The following KMT2C variants were observed in gnomAD, a reference collection of about 807,000 sequenced individuals.
KMT2C encodes the protein lysine methyltransferase 2C, also known as histone-lysine N-methyltransferase 2C.
In KMT2C, 88 loss-of-function variants were observed where a neutral mutation model predicts 507.9. That is an observed-to-expected ratio of 0.17 (90% confidence interval 0.15 to 0.21). The LOEUF is 0.21. Among genes scored for constraint, KMT2C ranks in the 10% least tolerant of loss-of-function variants. The pLI is 1.00. For synonymous variants in KMT2C, 2,049 were observed against 2,080.8 expected (o/e 0.98, Z 0.42); for missense variants, 4,954 against 5,957.8 (o/e 0.83, Z 5.55).
chr7:152,215,688 T>TATATATATATATATATATATATATATAC lies in KMT2C; in HGVS notation c.3712+4834_3712+4835insGTATATATATATATATATATATATATAT, dbSNP rs766518165. ...ACAAAAGGAACAAAATATATATATA[T>TATATATATATATATATATATATATATAC]ACACACACACATACACACACAAAAT... is the stretch of plus-strand genomic sequence containing the variant. On this transcript the variant is annotated intron_variant, in intron 23 of 58. Transcript: ENST00000262189. Among the ~76,000 whole-genome samples, 6 of 134,486 alleles carry TATATATATATATATATATATATATATAC rather than the reference T, an allele frequency of 4.5e-5. 1 individual carries two copies. The highest frequency in any genetic ancestry group is 2.0e-4 in the African/African-American group (6 of 29,660). The allele number at this position is 134,486 out of a possible 152,430, so 88.2% of individuals were successfully genotyped here.
intron 6 of KMT2C, among the ~76,000 whole-genome samples, chr7:152,292,789 C>G (rs1299371421): frequency 6.6e-6 from 1 of 152,124 alleles, no homozygotes; most frequent in Non-Finnish European, 1.5e-5. Context: ...CCAGAAGCTT[C>G]TCAGCTTTTC....
At position 152,135,886 on chromosome 7, in the gene KMT2C, A is replaced by C. The variant is rs1232261018; in HGVS notation, c.*946T>G. ...TACTAATAGACTGCGGTTTCCAAAA[A>C]ACCCCCAACACTCTAGGTTGAAATT... On this transcript the variant is annotated 3_prime_UTR_variant, in exon 59 of 59. Transcript: ENST00000262189. 4.3e-6 allele frequency: 1 copy of C among 231,382 alleles called. No individual in the cohort carries two copies. Among genetic ancestry groups the C allele is most frequent in the Non-Finnish European group, 8.6e-6 (1 of 116,770 alleles). The allele number at this position is 231,382 out of a possible 1,614,324, so 14.3% of individuals were successfully genotyped here.
chr7:152,433,148 G>GAA (rs755418091), intron 1 of KMT2C, among the ~76,000 whole-genome samples: 1 of 100,842 alleles, frequency 9.9e-6, no homozygotes. Flanking sequence ...ACTTCGTCCA[G>GAA]AAAAAAAAAA....
Position 152,181,879 on chromosome 7 carries a change from G to A in KMT2C, c.5981C>T (p.Thr1994Ile), listed in dbSNP as rs2129120481. ...LSRSPVVSEQ[T>I]AKGPIAAGTS... ...TCCAGCTGCTATAGGGCCTTTTGCAGTTTGTTCTGAAACTACAGGAGACCG... is the reference window on the plus strand; with the variant it reads ...TCCAGCTGCTATAGGGCCTTTTGCAATTTGTTCTGAAACTACAGGAGACCG... The change falls in exon 36 of 59, where the codon ACT (threonine) becomes ATT (isoleucine). Residue 1994 changes from threonine to isoleucine, a missense_variant. This residue lies in a region of KMT2C where 1,689 missense variants were observed against 1,654.3 expected (regional missense o/e 1.02). Transcript: ENST00000262189. The A allele has an allele frequency of 6.2e-7, 1 of 1,614,178 alleles. No individual in the cohort carries two copies. Among genetic ancestry groups the A allele is most frequent in the Non-Finnish European group, 8.5e-7 (1 of 1,180,036 alleles).
chr7:152,217,173 C>T (rs2094605171), intron 23 of KMT2C, among the ~76,000 whole-genome samples: 2 of 151,774 alleles, frequency 1.3e-5, no homozygotes, highest in Non-Finnish European at 2.9e-5. Flanking sequence ...TACAAAATAC[C>T]CAGAAAAGGG....
Position 152,178,015 on chromosome 7 carries a change from T to TTAAAA in KMT2C, c.7443-6_7443-5insTTTTA, listed in dbSNP as rs1491309235. On this transcript the variant is annotated splice_polypyrimidine_tract_variant and splice_region_variant and intron_variant, in intron 37 of 58. Coordinates refer to ENST00000262189, the MANE Select transcript of KMT2C (RefSeq NM_170606.3). ...CTACCTCCTGGAAATCCAAATCTTT[T>TTAAAA]AAAAAAAAAAAAAAAAAAAAAAAAA... is the stretch of plus-strand genomic sequence containing the variant. 4.2e-4 allele frequency: 340 copies of TTAAAA among 810,802 alleles called. 11 individuals carry two copies. The African/African-American group carries it at 6.7e-3, about 16-fold the overall frequency. 50.2% of individuals were successfully genotyped at this position (810,802 alleles called of 1,614,324 possible).
chr7:152,389,359 A>C (rs2097467823), intron 1 of KMT2C, among the ~76,000 whole-genome samples: 1 of 151,370 alleles, frequency 6.6e-6, no homozygotes. Context: ...TCTCAAAAAA[A>C]AAAAAAAAAA....
intron 1 of KMT2C, among the ~76,000 whole-genome samples, chr7:152,361,282 T>G (rs952761486): frequency 1.3e-5 from 2 of 152,168 alleles, no homozygotes; most frequent in East Asian, 1.9e-4. Flanking sequence ...GTTTTTAGGC[T>G]GGGCACGGTG....
At chr7:152,244,320 A>G (rs2095434681) in intron 14 of KMT2C, among the ~76,000 whole-genome samples, 2 of 152,168 alleles carry the variant, frequency 1.3e-5, no homozygotes, top group South Asian at 4.1e-4. Context: ...GTTGATTACA[A>G]TATGTGGCAG....
intron 31 of KMT2C, among the ~76,000 whole-genome samples, chr7:152,192,779 A>C (rs1217300073): frequency 6.6e-6 from 1 of 152,240 alleles, no homozygotes; most frequent in African/African-American, 2.4e-5. Flanking sequence ...TGGCACTTAC[A>C]CAAGAAAAGG....
intron 37 of KMT2C, 88 bp downstream of exon 37, chr7:152,179,746 C>A: frequency 8.2e-7 from 1 of 1,223,500 alleles, no homozygotes; most frequent in Non-Finnish European, 1.2e-6. Flanking sequence ...CAGCTAGTAG[C>A]TAGGATTACA....
rs146455116 is a variant in KMT2C at position 152,182,191 on chromosome 7, C to T, written c.5669G>A (p.Arg1890Gln). Residue 1890 changes from arginine (R) to glutamine (Q), a missense_variant, in exon 36 of 59, where the codon CGA (arginine) becomes CAA (glutamine). By Grantham distance (43) the Arg-to-Gln change is conservative. Coordinates refer to ENST00000262189, the MANE Select transcript of KMT2C (RefSeq NM_170606.3). ...QVFSPGSSNSRPPSPMDPYAK... is the reference protein window; with the variant it reads ...QVFSPGSSNSQPPSPMDPYAK... ...ATATGGATCCATTGGAGATGGTGGTCGTGAGTTAGAGGACCCAGGTGAAAA... is the reference window on the plus strand; with the variant it reads ...ATATGGATCCATTGGAGATGGTGGTTGTGAGTTAGAGGACCCAGGTGAAAA... 115 of 1,613,826 alleles carry T rather than the reference C, an allele frequency of 7.1e-5. No homozygotes were observed. Among genetic ancestry groups the T allele is most frequent in the African/African-American group, 3.1e-4 (23 of 74,832 alleles).
chr7:152,423,999 C>G (rs1490947876), intron 1 of KMT2C, among the ~76,000 whole-genome samples: 1 of 152,102 alleles, frequency 6.6e-6, no homozygotes, highest in African/African-American at 2.4e-5. Flanking sequence ...TAATAAAAAT[C>G]TGTATTTCAA....
rs191553118 is a variant in KMT2C, at chr7:152,261,574, T to C, written c.1299+1442A>G. On this transcript the variant is annotated intron_variant, in intron 9 of 58. Transcript: ENST00000262189. ...GAAATGAAAGCATAAATTAACATAC[T>C]TCAGCACAACTTAAAAAAAAGATAA... 8.8e-4 allele frequency among the ~76,000 whole-genome samples: 134 copies of C among 152,288 alleles called. 1 individual carries two copies. The highest frequency in any genetic ancestry group is 3.0e-3 in the African/African-American group (123 of 41,572).
In KMT2C at chr7:152,307,380, A is replaced by AGGAG. The variant is rs1178749211; in HGVS notation, c.849+2582_849+2585dup. ...AAGGAGAGAGGGAGAGAGGGAGGGA[A>AGGAG]GGAGGGAGGAAGGGAGGGGAGAAGG... is the stretch of plus-strand genomic sequence containing the variant. On this transcript the variant is annotated intron_variant, in intron 6 of 58. Transcript: ENST00000262189. 2.1e-4 allele frequency among the ~76,000 whole-genome samples: 29 copies of AGGAG among 139,080 alleles called. 1 individual carries two copies. The East Asian group carries it at 7.1e-3, about 34-fold the overall frequency. 91.2% of individuals were successfully genotyped at this position (139,080 alleles called of 152,430 possible). A position where few individuals can be genotyped will look rare whatever the true frequency, so the allele number is the denominator to read the frequency against.
rs2090905783 is a variant in KMT2C at position 152,144,386 on chromosome 7, T to C, written c.14343+327A>G. On this transcript the variant is annotated intron_variant, in intron 55 of 58. Coordinates refer to ENST00000262189, the MANE Select transcript of KMT2C (RefSeq NM_170606.3). The surrounding 1 kb of genome is among the most constrained non-coding windows in gnomAD (Gnocchi z 4.4). ...GAAAATATTTTCATTTGTATTTCTC[T>C]CAAGTGCTTGAAACAGCTCTACTGA... is the stretch of plus-strand genomic sequence containing the variant. Among the ~76,000 whole-genome samples the C allele has an allele frequency of 6.6e-6, 1 of 152,184 alleles. No homozygotes were observed. The highest frequency in any genetic ancestry group is 2.4e-5 in the African/African-American group (1 of 41,444).
chr7:152,417,225 T>A (rs1157510834), intron 1 of KMT2C, among the ~76,000 whole-genome samples: 1 of 152,072 alleles, frequency 6.6e-6, no homozygotes, highest in Admixed American at 6.6e-5. Context: ...TTCAAGCGAC[T>A]CTCCTGCCAC....
chr7:152,400,113 C>T (rs1385243275), intron 1 of KMT2C, among the ~76,000 whole-genome samples: 1 of 133,242 alleles, frequency 7.5e-6, no homozygotes, highest in Non-Finnish European at 1.5e-5. Flanking sequence ...TCAAAACCAT[C>T]CTGGCTAACA....
Position 152,243,966 on chromosome 7 carries a change from T to C in KMT2C, c.2532+3936A>G, listed in dbSNP as rs192780723. On this transcript the variant is annotated intron_variant, in intron 14 of 58. Transcript: ENST00000262189. The stretch of plus-strand genomic sequence containing the variant: ...TCTTTCTATAAGACGTGATGATACA[T>C]ACAGGGTAAATAATACAAGAAGACC... 6.1e-3 allele frequency among the ~76,000 whole-genome samples: 924 copies of C among 152,294 alleles called. 9 individuals are homozygous for C. The highest frequency in any genetic ancestry group is 0.02 in the African/African-American group (840 of 41,544).
Sources: gnomAD v4.1 joint callset for allele counts (sites outside exome capture counted in the v4.1 genomes callset) on GRCh38, gnomAD v4.1.1 for gene constraint, gnomAD v4.1.1 regional missense constraint, Gnocchi (gnomAD v3.1) non-coding constraint, MANE v1.5 for transcripts, NCBI Gene and HGNC (gene_info 2026-07-23, HGNC 2026-07-21) for gene names.